Variants in ULK4 observed in about 807,000 individuals in gnomAD.
The protein encoded by ULK4 is unc-51 like kinase 4.
A neutral mutation model predicts 160.6 loss-of-function variants in ULK4; 133 were observed. That is an observed-to-expected ratio of 0.83 (90% CI 0.72 to 0.96). ULK4 has a LOEUF of 0.96. Among genes scored for constraint, ULK4 ranks in the 40% least tolerant of loss-of-function variants. The probability of loss-of-function intolerance (pLI) is 0.00; values close to 1 mark genes in which losing one functional copy is unlikely to be tolerated. For missense variants in ULK4, 1,580 were observed against 1,499.5 expected (o/e 1.05, Z -0.89); for synonymous variants, 534 against 539.8 (o/e 0.99, Z 0.15).
intron 35 of ULK4, among the ~76,000 whole-genome samples, chr3:41,368,102 C>G (rs1470711024): frequency 6.6e-6 from 1 of 151,436 alleles, no homozygotes; most frequent in Non-Finnish European, 1.5e-5. Flanking sequence ...GACTGGAGTG[C>G]AGTGGTGCGA....
chr3:41,282,403 T>C (rs1450465636), intron 35 of ULK4, among the ~76,000 whole-genome samples: 1 of 152,152 alleles, frequency 6.6e-6, no homozygotes, highest in East Asian at 1.9e-4. Context: ...CAAACTATAC[T>C]ACAAGGCTAC....
chr3:41,333,930 A>G (rs1177716251), intron 35 of ULK4, among the ~76,000 whole-genome samples: 2 of 152,176 alleles, frequency 1.3e-5, no homozygotes, highest in Admixed American at 6.5e-5. Flanking sequence ...AATAGTGCCA[A>G]GTTAATAAAG....
chr3:41,295,813 C>A (rs974981128), intron 35 of ULK4, among the ~76,000 whole-genome samples: 3 of 152,226 alleles, frequency 2.0e-5, no homozygotes, highest in African/African-American at 7.2e-5. Context: ...CAGGAACTCT[C>A]GCTCATTGCT....
At chr3:41,309,601 G>C (rs927451569) in intron 35 of ULK4, among the ~76,000 whole-genome samples, 35 of 152,204 alleles carry the variant, frequency 2.3e-4, no homozygotes, top group African/African-American at 6.8e-4. Flanking sequence ...AATGGCAGAA[G>C]ATAGTGGGGC....
Position 41,800,243 on chromosome 3 carries a change from A to G in ULK4, c.1899T>C (p.Cys633=). 1 of 1,613,458 alleles carries G rather than the reference A, an allele frequency of 6.2e-7. No homozygotes were observed. The highest frequency in any genetic ancestry group is 8.5e-7 in the Non-Finnish European group (1 of 1,179,822). Residue 633 remains cysteine, a synonymous_variant, in exon 20 of 37, where the codon TGT becomes TGC. Transcript: ENST00000301831. Reference sequence around the variant, plus strand: ...CCTGGGACTGAGCAGAAAAGGTGGTACAGACATTTTCAATAATTTTTGCTG... The same window carrying G: ...CCTGGGACTGAGCAGAAAAGGTGGTGCAGACATTTTCAATAATTTTTGCTG... The part of the protein sequence containing the change: ...HMAAKIIENV[C]TTFSAQSQGF...
At chr3:41,917,485 T>C (rs1699008635) in intron 7 of ULK4, among the ~76,000 whole-genome samples, 2 of 152,144 alleles carry the variant, frequency 1.3e-5, no homozygotes, top group South Asian at 4.1e-4. Flanking sequence ...TATGTATATA[T>C]AGCAATAATT....
intron 35 of ULK4, among the ~76,000 whole-genome samples, chr3:41,359,192 G>A (rs750508203): frequency 6.6e-6 from 1 of 152,208 alleles, no homozygotes; most frequent in Non-Finnish European, 1.5e-5. Flanking sequence ...GGCCTGGGGA[G>A]GCCATGAGAA....
intron 22 of ULK4, among the ~76,000 whole-genome samples, chr3:41,724,648 G>A (rs796066834): frequency 8.1e-4 from 123 of 152,166 alleles, no homozygotes; most frequent in African/African-American, 2.8e-3. Flanking sequence ...GCGTGAACCC[G>A]GGAGGCAGAG....
chr3:41,693,656 G>T (rs925828044), intron 27 of ULK4, among the ~76,000 whole-genome samples: 5 of 152,154 alleles, frequency 3.3e-5, no homozygotes, highest in Non-Finnish European at 7.4e-5. Flanking sequence ...AGAAAACAAT[G>T]AAGCTGTTTA....
chr3:41,875,595 T>C (rs949104366), intron 17 of ULK4, among the ~76,000 whole-genome samples: 9 of 152,118 alleles, frequency 5.9e-5, no homozygotes, highest in Non-Finnish European at 1.2e-4. Context: ...TAGTCCAGCC[T>C]GAACAACACA....
intron 35 of ULK4, among the ~76,000 whole-genome samples, chr3:41,341,440 T>C (rs6788084): frequency 0.037 from 5,621 of 152,168 alleles, 268 homozygotes; most frequent in East Asian, 0.19. Flanking sequence ...GGGATGTGAG[T>C]GGATACAATG....
intron 35 of ULK4, among the ~76,000 whole-genome samples, chr3:41,338,796 A>G (rs1337487265): frequency 6.6e-6 from 1 of 151,904 alleles, no homozygotes; most frequent in African/African-American, 2.4e-5. Context: ...TATACATATC[A>G]GATGTTATAG....
chr3:41,691,676 T>C (rs919082570), intron 27 of ULK4, among the ~76,000 whole-genome samples: 1 of 151,900 alleles, frequency 6.6e-6, no homozygotes, highest in South Asian at 2.1e-4. Flanking sequence ...AGTGGCTAAA[T>C]TGTCTTAGGA....
chr3:41,352,168 C>G (rs984784336), intron 35 of ULK4, among the ~76,000 whole-genome samples: 2 of 152,312 alleles, frequency 1.3e-5, no homozygotes, highest in Non-Finnish European at 2.9e-5. Flanking sequence ...GCCTCATACT[C>G]TTCACTTGAC....
At chr3:41,282,178 C>T (rs1042586165) in intron 35 of ULK4, among the ~76,000 whole-genome samples, 1 of 152,204 alleles carries the variant, frequency 6.6e-6, no homozygotes, top group Non-Finnish European at 1.5e-5. Flanking sequence ...ACTAACATTC[C>T]ATCCTCATGG....
At chr3:41,297,239 G>C (rs1163591033) in intron 35 of ULK4, among the ~76,000 whole-genome samples, 1 of 152,180 alleles carries the variant, frequency 6.6e-6, no homozygotes, top group East Asian at 1.9e-4. Flanking sequence ...TGGGCTTTGT[G>C]ATCCTGGACT....
chr3:41,802,205 T>C (rs1294908347), intron 19 of ULK4, among the ~76,000 whole-genome samples: 3 of 152,164 alleles, frequency 2.0e-5, no homozygotes, highest in African/African-American at 4.8e-5. Flanking sequence ...ATTAAATCTA[T>C]ACAAAAGAAC....
intron 22 of ULK4, among the ~76,000 whole-genome samples, chr3:41,732,674 T>C (rs2037873198): frequency 6.6e-6 from 1 of 152,180 alleles, no homozygotes; most frequent in Non-Finnish European, 1.5e-5. Context: ...ACTCCCATGT[T>C]TACTGCAGCA....
chr3:41,291,790 T>C (rs2125703530), intron 35 of ULK4, among the ~76,000 whole-genome samples: 1 of 152,162 alleles, frequency 6.6e-6, no homozygotes, highest in Admixed American at 6.5e-5. Flanking sequence ...CAGCTGTATT[T>C]TGCTTATGAA....
Sources: gnomAD v4.1 joint callset for allele counts (sites outside exome capture counted in the v4.1 genomes callset) on GRCh38, gnomAD v4.1.1 for gene constraint, MANE v1.5 for transcripts, NCBI Gene and HGNC (gene_info 2026-07-23, HGNC 2026-07-21) for gene names.